The following DMD variants were observed in gnomAD, a reference collection of about 807,000 sequenced individuals.
The protein encoded by DMD is dystrophin.
A neutral mutation model predicts 330.1 loss-of-function variants in DMD; 63 were observed. The observed-to-expected ratio is 0.19, with a 90% CI of 0.16 to 0.24. The LOEUF (loss-of-function observed/expected upper bound fraction) is 0.24. DMD is among the 10% of genes least tolerant of loss of function. DMD has a pLI of 1.00. For missense variants in DMD, 3,344 were observed against 2,684.1 expected, an observed-to-expected ratio of 1.25 and a Z score of -5.43; for synonymous variants, 1,223 against 959.8, an observed-to-expected ratio of 1.27 and a Z score of -5.07.
At chrX:32,024,520 A>G (rs778690417) in intron 44 of DMD, among the ~76,000 whole-genome samples, 1 of 110,246 alleles carries the variant, frequency 9.1e-6, no homozygotes, top group South Asian at 3.9e-4. Context: ...TATGAAACAA[A>G]CAAAGAATAT....
chrX:32,787,180 A>T (rs758444332), intron 7 of DMD, among the ~76,000 whole-genome samples: 316 of 109,111 alleles, frequency 2.9e-3, no homozygotes, highest in Middle Eastern at 4.7e-3. Flanking sequence ...TCTACCATGT[A>T]TCCATGACAA....
At chrX:31,527,833 T>C (rs1480989749) in intron 55 of DMD, among the ~76,000 whole-genome samples, 3 of 111,849 alleles carry the variant, frequency 2.7e-5, no homozygotes, top group African/African-American at 9.8e-5. Flanking sequence ...CAGTTCTATA[T>C]AGTTTTAGAA....
intron 7 of DMD, among the ~76,000 whole-genome samples, chrX:32,770,743 T>A (rs2073510781): frequency 8.9e-6 from 1 of 111,775 alleles, no homozygotes; most frequent in Non-Finnish European, 1.9e-5. Context: ...GAATAAAATG[T>A]ACAAAGTCCT....
At chrX:32,597,693 T>C (rs2055722136) in intron 12 of DMD, among the ~76,000 whole-genome samples, 1 of 111,669 alleles carries the variant, frequency 9.0e-6, no homozygotes, top group African/African-American at 3.3e-5. Flanking sequence ...AAACATGATG[T>C]ACAATTATTT....
At chrX:33,313,881 A>C (rs986863140) in intron 1 of DMD, among the ~76,000 whole-genome samples, 2 of 111,333 alleles carry the variant, frequency 1.8e-5, no homozygotes, top group African/African-American at 6.5e-5. Context: ...TGCCTTGATG[A>C]TGTTTACCAT....
intron 1 of DMD, among the ~76,000 whole-genome samples, chrX:33,177,675 C>T (rs1405485555): frequency 2.7e-5 from 3 of 111,873 alleles, no homozygotes; most frequent in Non-Finnish European, 3.8e-5. Flanking sequence ...CGTGAGCCAC[C>T]GCGCCCGACC....
intron 44 of DMD, among the ~76,000 whole-genome samples, chrX:32,172,450 C>T (rs955433577): frequency 1.8e-5 from 2 of 111,371 alleles, no homozygotes; most frequent in Non-Finnish European, 3.8e-5. Flanking sequence ...CATCAGTTTC[C>T]GAATATGCCA....
intron 44 of DMD, among the ~76,000 whole-genome samples, chrX:32,062,286 T>A (rs1046388460): frequency 9.0e-6 from 1 of 110,963 alleles, no homozygotes; most frequent in Non-Finnish European, 1.9e-5. Flanking sequence ...TAAACACAAT[T>A]AGAATGGAAG....
chrX:32,268,931 T>C (rs1293722541), intron 43 of DMD, among the ~76,000 whole-genome samples: 1 of 102,060 alleles, frequency 9.8e-6, no homozygotes, highest in Non-Finnish European at 2.0e-5. Context: ...ACCAGGAATG[T>C]CAGGCAACCA....
chrX:33,132,320 C>T (rs1183441632), intron 1 of DMD, among the ~76,000 whole-genome samples: 1 of 111,481 alleles, frequency 9.0e-6, no homozygotes, highest in African/African-American at 3.3e-5. Flanking sequence ...CCAACTATTC[C>T]TTTAAATGAG....
chrX:33,227,771 A>G lies in DMD; in HGVS notation c.7+111488T>C, dbSNP rs970247508. ...GGCATCCTGTTTTGAATACCTCACT[A>G]CAGAATGCCTTAAAAAGAAATGGAA... On this transcript the variant is annotated intron_variant, in intron 1 of 17. Transcript: ENST00000288447. Among the ~76,000 whole-genome samples the G allele has an allele frequency of 4.5e-5, 5 of 110,423 alleles. No individual in the cohort carries two copies. The South Asian group carries it at 1.9e-3, about 42-fold the overall frequency.
At chrX:31,773,021 A>T (rs2090434352) in intron 51 of DMD, among the ~76,000 whole-genome samples, 1 of 111,644 alleles carries the variant, frequency 9.0e-6, no homozygotes, top group Admixed American at 9.6e-5. Flanking sequence ...GTTTACTATC[A>T]AATTACTTTT....
intron 1 of DMD, among the ~76,000 whole-genome samples, chrX:33,228,099 A>G (rs2052322590): frequency 9.0e-6 from 1 of 111,513 alleles, no homozygotes; most frequent in South Asian, 3.7e-4. Context: ...TGCTTAAAGT[A>G]TATTCTGGGT....
chrX:32,885,840 A>AC (rs1483876284), intron 2 of DMD, among the ~76,000 whole-genome samples: 38 of 108,711 alleles, frequency 3.5e-4, no homozygotes, highest in African/African-American at 9.7e-4. Context: ...AAAAAAAAAA[A>AC]AAAAAAAAAC....
intron 52 of DMD, among the ~76,000 whole-genome samples, chrX:31,717,575 A>C (rs764882087): frequency 1.0e-3 from 117 of 111,848 alleles, no homozygotes; most frequent in African/African-American, 3.7e-3. Context: ...GACTAAACCA[A>C]ATCCTTCATG....
chrX:32,702,273 A>T (rs943448463), intron 7 of DMD, among the ~76,000 whole-genome samples: 2 of 112,221 alleles, frequency 1.8e-5, no homozygotes, highest in African/African-American at 3.2e-5. Flanking sequence ...TCAGATTTTT[A>T]AAATCATATA....
chrX:31,215,190 C>T (rs765909736), intron 64 of DMD, among the ~76,000 whole-genome samples: 2 of 108,792 alleles, frequency 1.8e-5, no homozygotes, highest in East Asian at 5.7e-4. Context: ...ATCTGCCTGC[C>T]TCGGCCTCCC....
chrX:31,344,575 G>A (rs1314763056), intron 61 of DMD, among the ~76,000 whole-genome samples: 4 of 111,569 alleles, frequency 3.6e-5, no homozygotes, highest in Non-Finnish European at 3.8e-5. Context: ...GAGGCCGGGC[G>A]TGGTGGCTCA....
Position 32,050,974 on chromosome X carries a change from C to CTTTTTTTTTTTTTTTTTT in DMD, c.6439-82461_6439-82460insAAAAAAAAAAAAAAAAAA, listed in dbSNP as rs761835866. 1.5e-3 allele frequency among the ~76,000 whole-genome samples: 116 copies of CTTTTTTTTTTTTTTTTTT among 78,104 alleles called. 11 individuals carry two copies. The highest frequency in any genetic ancestry group is 4.4e-3 in the African/African-American group (77 of 17,516). The allele number at this position is 78,104 out of a possible 115,157, so 67.8% of individuals were successfully genotyped here. ...TTACATTGCCTCAGGCTAACTTCCT[C>CTTTTTTTTTTTTTTTTTT]TTTTTTTTTTTTTCCCCCTAATAGA... On this transcript the variant is annotated intron_variant, in intron 44 of 78. Coordinates refer to ENST00000357033, the MANE Select transcript of DMD (RefSeq NM_004006.3).
Sources: gnomAD v4.1 joint callset for allele counts (sites outside exome capture counted in the v4.1 genomes callset) on GRCh38, gnomAD v4.1.1 for gene constraint, MANE v1.5 for transcripts, NCBI Gene and HGNC (gene_info 2026-07-23, HGNC 2026-07-21) for gene names.